The following SH3KBP1 variants were observed in gnomAD, a reference collection of about 807,000 sequenced individuals.
SH3KBP1 encodes the protein SH3 domain-containing kinase-binding protein 1.
In SH3KBP1, 8 loss-of-function variants were observed where a neutral mutation model predicts 50.1. That is an observed-to-expected ratio of 0.16 (90% confidence interval 0.09 to 0.29). SH3KBP1 has a LOEUF of 0.29. Ranked by LOEUF, SH3KBP1 falls within the 10% of genes least tolerant of loss-of-function variation. The pLI, the probability that SH3KBP1 is intolerant of heterozygous loss-of-function variation, is 1.00. For missense variants in SH3KBP1, 377 were observed against 535.2 expected (o/e 0.70, Z 2.92); for synonymous variants, 227 against 218.6 (o/e 1.04, Z -0.34).
intron 8 of SH3KBP1, among the ~76,000 whole-genome samples, chrX:19,631,049 C>T (rs2061563384): frequency 8.9e-6 from 1 of 111,749 alleles, no homozygotes; most frequent in Non-Finnish European, 1.9e-5. Flanking sequence ...CAGGCAGCCA[C>T]GATGATCTCC....
In SH3KBP1 at chrX:19,879,329, A is replaced by C. The variant is rs1176876568; in HGVS notation, c.4+7978T>G. Among the ~76,000 whole-genome samples, 6 of 112,074 alleles carry C rather than the reference A, an allele frequency of 5.4e-5. No individual in the cohort carries two copies. In the East Asian group the frequency reaches 1.4e-3, roughly 26 times the overall value. On this transcript the variant is annotated intron_variant, in intron 1 of 17. Coordinates refer to ENST00000397821, the MANE Select transcript of SH3KBP1 (RefSeq NM_031892.3). ...GGAAGCAGGAGCCTGACATTTTCTG[A>C]GCACCTACAGAAATTGGGCGGGGCT...
chrX:19,760,280 G>A (rs763291520), intron 2 of SH3KBP1, among the ~76,000 whole-genome samples: 8 of 109,525 alleles, frequency 7.3e-5, no homozygotes, highest in Middle Eastern at 4.7e-3. Flanking sequence ...CCAGCTACTC[G>A]GGAGGCTGAG....
rs567888099 is a variant in SH3KBP1 at position 19,883,338 on chromosome X, G to A, written c.4+3969C>T. On this transcript the variant is annotated intron_variant, in intron 1 of 17. Coordinates refer to ENST00000397821, the MANE Select transcript of SH3KBP1 (RefSeq NM_031892.3). ...TATTTGGGCTATTTTCCTGTTCTGC[G>A]TCTTTCCCATTAGCACTGACTTCAT... is the stretch of plus-strand genomic sequence containing the variant. Among the ~76,000 whole-genome samples, 22 of 112,510 alleles carry A rather than the reference G, an allele frequency of 2.0e-4. No homozygotes were observed. The East Asian group carries it at 2.5e-3, about 13-fold the overall frequency.
At chrX:19,746,206 A>C in intron 3 of SH3KBP1, 112 bp downstream of exon 3, 1 of 956,171 alleles carries the variant, frequency 1.0e-6, no homozygotes. Context: ...CCAAAAACCA[A>C]AAGGACAAAC....
intron 8 of SH3KBP1, among the ~76,000 whole-genome samples, chrX:19,619,687 C>G (rs1910734122): frequency 9.0e-6 from 1 of 111,548 alleles, no homozygotes; most frequent in Admixed American, 9.5e-5. Flanking sequence ...AAAGCTGAGG[C>G]ATGAGAATCA....
chrX:19,574,742 G>C (rs940787046), intron 12 of SH3KBP1, among the ~76,000 whole-genome samples: 3 of 112,435 alleles, frequency 2.7e-5, no homozygotes, highest in African/African-American at 9.7e-5. Flanking sequence ...TCAGACCACA[G>C]ACTTGAGTAT....
At chrX:19,732,311 T>C (rs182735346) in intron 3 of SH3KBP1, among the ~76,000 whole-genome samples, 162 of 110,958 alleles carry the variant, frequency 1.5e-3, no homozygotes, top group African/African-American at 5.1e-3. Context: ...GCTGCATATA[T>C]ATACATATAT....
intron 1 of SH3KBP1, among the ~76,000 whole-genome samples, chrX:19,868,888 C>T (rs750213297): frequency 6.4e-5 from 7 of 109,423 alleles, no homozygotes; most frequent in African/African-American, 2.0e-4. Context: ...CCTAATTCCC[C>T]GAACCTGTGA....
chrX:19,675,047 C>A (rs1381798293), intron 6 of SH3KBP1, among the ~76,000 whole-genome samples: 1 of 109,353 alleles, frequency 9.1e-6, no homozygotes, highest in African/African-American at 3.4e-5. Flanking sequence ...CCACTGCACT[C>A]CAGCCTGGGT....
intron 2 of SH3KBP1, among the ~76,000 whole-genome samples, chrX:19,835,158 G>GT (rs2068024778): frequency 1.8e-5 from 2 of 111,363 alleles, no homozygotes; most frequent in South Asian, 7.4e-4. Context: ...TTACTTATTT[G>GT]TTTGTTTATT....
chrX:19,573,428 A>G (rs937711896), intron 12 of SH3KBP1, among the ~76,000 whole-genome samples: 2 of 111,028 alleles, frequency 1.8e-5, no homozygotes, highest in South Asian at 3.9e-4. Flanking sequence ...GTGGGATTAC[A>G]GGTGCGTGCC....
Position 19,657,223 on chromosome X carries a change from C to G in SH3KBP1, c.727-11748G>C, listed in dbSNP as rs866226110. On this transcript the variant is annotated intron_variant, in intron 6 of 17. Transcript: ENST00000397821. ...AAGACCTTATCTCTACTAAAAAATT[C>G]CAAAAAATTTAGCTGGATGTGGTGG... Among the ~76,000 whole-genome samples, 36 of 108,818 alleles carry G rather than the reference C, an allele frequency of 3.3e-4. No individual in the cohort carries two copies. The Middle Eastern group carries it at 0.014, about 43-fold the overall frequency. 94.5% of individuals were successfully genotyped at this position (108,818 alleles called of 115,157 possible). A position where few individuals can be genotyped will look rare whatever the true frequency, so the allele number is the denominator to read the frequency against.
intron 3 of SH3KBP1, among the ~76,000 whole-genome samples, chrX:19,728,849 A>G (rs2064297125): frequency 8.9e-6 from 1 of 112,457 alleles, no homozygotes. Context: ...TCTGATGAAG[A>G]TAGGAACAAA....
At chrX:19,670,839 C>CA (rs397973698) in intron 6 of SH3KBP1, 13,496 of 962,202 alleles carry the variant, frequency 0.014, 1 homozygote, top group Non-Finnish European at 0.016. Context: ...ACTCTAAAAG[C>CA]AAAAAAAAAA....
At chrX:19,862,627 T>C (rs1365811643) in intron 1 of SH3KBP1, among the ~76,000 whole-genome samples, 2 of 109,686 alleles carry the variant, frequency 1.8e-5, no homozygotes, top group Admixed American at 9.8e-5. Flanking sequence ...TATTCAGACA[T>C]GTTACAGCCA....
chrX:19,793,718 T>TC (rs2066615590), intron 2 of SH3KBP1, among the ~76,000 whole-genome samples: 1 of 111,528 alleles, frequency 9.0e-6, no homozygotes, highest in African/African-American at 3.3e-5. Context: ...TTAACCTACT[T>TC]CAGATGCTAA....
chrX:19,809,953 T>C, intron 2 of SH3KBP1, among the ~76,000 whole-genome samples: 1 of 112,701 alleles, frequency 8.9e-6, no homozygotes, highest in Non-Finnish European at 1.9e-5. Context: ...ACTTAAATAA[T>C]TCACTATCTC....
At chrX:19,604,293 T>A (rs1911310001) in intron 9 of SH3KBP1, among the ~76,000 whole-genome samples, 1 of 111,924 alleles carries the variant, frequency 8.9e-6, no homozygotes, top group Admixed American at 9.5e-5. Context: ...TCTTCTGGAA[T>A]ATCTTGAGGA....
intron 1 of SH3KBP1, among the ~76,000 whole-genome samples, chrX:19,853,397 AGGCTTGGAGG>A (rs2068561278): frequency 9.0e-6 from 1 of 111,010 alleles, no homozygotes; most frequent in Non-Finnish European, 1.9e-5. Flanking sequence ...AGCAGGATAC[AGGCTTGGAGG>A]GGGTGGTCAG....
Sources: gnomAD v4.1 joint callset for allele counts (sites outside exome capture counted in the v4.1 genomes callset) on GRCh38, gnomAD v4.1.1 for gene constraint, MANE v1.5 for transcripts, NCBI Gene and HGNC (gene_info 2026-07-23, HGNC 2026-07-21) for gene names.